NKAIN1: variants seen among roughly 807,000 people sequenced by gnomAD.
The protein encoded by NKAIN1 is sodium/potassium transporting ATPase interacting 1.
A neutral mutation model predicts 31.6 loss-of-function variants in NKAIN1; 13 were observed. The ratio of observed to expected loss-of-function variants is 0.41; its 90% CI spans 0.27 to 0.65. The LOEUF (loss-of-function observed/expected upper bound fraction) is 0.65, where lower values mean the gene tolerates loss of function less well. NKAIN1 is among the 30% of genes least tolerant of loss of function. The pLI, the probability that NKAIN1 is intolerant of heterozygous loss-of-function variation, is 0.30. For missense variants in NKAIN1, 193 were observed against 262.2 expected (o/e 0.74, Z 1.82); for synonymous variants, 104 against 109.0 (o/e 0.95, Z 0.28).
intron 1 of NKAIN1, among the ~76,000 whole-genome samples, chr1:31,230,055 C>T (rs1308185423): frequency 6.6e-6 from 1 of 152,086 alleles, no homozygotes; most frequent in Non-Finnish European, 1.5e-5. Flanking sequence ...AGACCACGGT[C>T]CAGCAATGCC....
chr1:31,200,025 G>GCACACACACACACACACGCACA (rs3046275), intron 1 of NKAIN1, among the ~76,000 whole-genome samples: 1 of 49,320 alleles, frequency 2.0e-5, no homozygotes, highest in African/African-American at 3.4e-5. Flanking sequence ...ACACACACAC[G>GCACACACACACACACACGCACA]CACACACACA....
At chr1:31,193,893 T>A (rs2148352060) in intron 1 of NKAIN1, 1 of 152,332 alleles carries the variant, frequency 6.6e-6, no homozygotes, top group East Asian at 1.9e-4. Context: ...TGTGTCTTTG[T>A]TACTTAGAAG....
At chr1:31,212,051 C>G (rs1276812596) in intron 1 of NKAIN1, among the ~76,000 whole-genome samples, 1 of 152,014 alleles carries the variant, frequency 6.6e-6, no homozygotes, top group Non-Finnish European at 1.5e-5. Context: ...GATTTCAAAA[C>G]TTACAATGAC....
intron 1 of NKAIN1, among the ~76,000 whole-genome samples, chr1:31,223,205 T>G (rs1217291009): frequency 6.6e-6 from 1 of 151,920 alleles, no homozygotes; most frequent in Non-Finnish European, 1.5e-5. Context: ...GGCAAAACCC[T>G]GTCTCTACTA....
At chr1:31,190,991 C>A (rs1435663377) in intron 1 of NKAIN1, among the ~76,000 whole-genome samples, 1 of 152,162 alleles carries the variant, frequency 6.6e-6, no homozygotes, top group Non-Finnish European at 1.5e-5. Context: ...AGGCACCCTG[C>A]CAAATATTTC....
At chr1:31,224,666 A>G (rs1472260288) in intron 1 of NKAIN1, among the ~76,000 whole-genome samples, 2 of 152,270 alleles carry the variant, frequency 1.3e-5, no homozygotes, top group African/African-American at 4.8e-5. Flanking sequence ...CTTGAGGATC[A>G]TGAAGCGTAA....
intron 1 of NKAIN1, among the ~76,000 whole-genome samples, chr1:31,197,447 C>T (rs930100744): frequency 9.2e-5 from 14 of 151,786 alleles, no homozygotes; most frequent in African/African-American, 3.4e-4. Context: ...GGGGTTTCAC[C>T]ATGTTGGTCA....
intron 1 of NKAIN1, among the ~76,000 whole-genome samples, chr1:31,188,944 C>T (rs1170358944): frequency 6.7e-6 from 1 of 150,284 alleles, no homozygotes; most frequent in Non-Finnish European, 1.5e-5. Flanking sequence ...GCCCAGCAGG[C>T]GGAGGTTGCA....
chr1:31,227,118 C>T (rs1056939916), intron 1 of NKAIN1, among the ~76,000 whole-genome samples: 1 of 152,212 alleles, frequency 6.6e-6, no homozygotes, highest in Non-Finnish European at 1.5e-5. Flanking sequence ...AACCACTGTG[C>T]CCAGCCAAAG....
intron 1 of NKAIN1, among the ~76,000 whole-genome samples, chr1:31,207,936 A>G (rs1340215909): frequency 2.0e-5 from 3 of 152,140 alleles, no homozygotes; most frequent in Non-Finnish European, 4.4e-5. Context: ...AGGAAGCGGT[A>G]GAGGCAGGAA....
chr1:31,188,255 C>A, intron 1 of NKAIN1, 68 bp from the exon 2 acceptor site: 14 of 1,517,068 alleles, frequency 9.2e-6, no homozygotes, highest in Non-Finnish European at 1.2e-5. Context: ...TCCTGCTTGA[C>A]CTTGGGGAGC....
chr1:31,212,857 C>T lies in NKAIN1; in HGVS notation c.55-24670G>A, dbSNP rs150584543. On this transcript the variant is annotated intron_variant, in intron 1 of 6. Coordinates refer to ENST00000373736, the MANE Select transcript of NKAIN1 (RefSeq NM_024522.3). Reference sequence around the variant, plus strand: ...CTAAAAATACAAAAAGTTAGCTGGGCGTGGTGGCAGGCGCCTGTAATCCCA... The same window carrying T: ...CTAAAAATACAAAAAGTTAGCTGGGTGTGGTGGCAGGCGCCTGTAATCCCA... Among the ~76,000 whole-genome samples the T allele has an allele frequency of 4.2e-3, 635 of 151,938 alleles. 43 individuals carry two copies. The East Asian group carries it at 0.1, about 25-fold the overall frequency.
intron 1 of NKAIN1, among the ~76,000 whole-genome samples, chr1:31,223,252 T>G (rs1049342051): frequency 2.4e-4 from 36 of 151,676 alleles, no homozygotes; most frequent in Non-Finnish European, 1.3e-4. Flanking sequence ...GGCAGGTGCT[T>G]GTAATCCCAA....
chr1:31,208,153 A>G (rs527515354), intron 1 of NKAIN1, among the ~76,000 whole-genome samples: 3 of 152,166 alleles, frequency 2.0e-5, no homozygotes, highest in South Asian at 4.1e-4. Flanking sequence ...CCACTCCATC[A>G]TTTACTAGCC....
rs1471089533 is a variant in NKAIN1 at position 31,239,766 on chromosome 1, G to A, written c.-219C>T. Among the ~76,000 whole-genome samples, 1 of 151,504 alleles carries A rather than the reference G, an allele frequency of 6.6e-6. No homozygotes were observed. Among genetic ancestry groups the A allele is most frequent in the African/African-American group, 2.4e-5 (1 of 41,340 alleles). The stretch of plus-strand genomic sequence containing the variant: ...CGTCCGTCCGCGCGCTGGCCCCGCC[G>A]AGCCGCGCCTCCTTTGTCTAGCGGG... On this transcript the variant is annotated 5_prime_UTR_variant, in exon 1 of 7. Transcript: ENST00000373736. The surrounding 1 kb of genome is among the most constrained non-coding windows in gnomAD (Gnocchi z 4.8).
intron 1 of NKAIN1, among the ~76,000 whole-genome samples, chr1:31,194,115 C>T (rs1363151077): frequency 6.6e-6 from 1 of 152,182 alleles, no homozygotes; most frequent in African/African-American, 2.4e-5. Context: ...TGATCTCCCG[C>T]CAGGGGAAGG....
intron 3 of NKAIN1, 59 bp downstream of exon 3, chr1:31,185,187 AG>A (rs1304012882): frequency 2.6e-5 from 35 of 1,370,528 alleles, no homozygotes; most frequent in Non-Finnish European, 3.5e-5. Context: ...CAGTACCCTT[AG>A]GGCAGGGGAT....
intron 1 of NKAIN1, among the ~76,000 whole-genome samples, chr1:31,204,262 G>A (rs1645406697): frequency 6.6e-6 from 1 of 152,146 alleles, no homozygotes; most frequent in South Asian, 2.1e-4. Context: ...TAGAGACATG[G>A]AAGCTGGGTG....
At chr1:31,195,415 C>T (rs1645317575) in intron 1 of NKAIN1, among the ~76,000 whole-genome samples, 1 of 152,098 alleles carries the variant, frequency 6.6e-6, no homozygotes, top group Admixed American at 6.6e-5. Context: ...AGCCACCGCG[C>T]CTGGCCTTTC....
Sources: allele counts gnomAD v4.1 joint callset (sites outside exome capture counted in the v4.1 genomes callset), GRCh38; gene constraint gnomAD v4.1.1; non-coding constraint Gnocchi (gnomAD v3.1); transcripts MANE v1.5; gene names NCBI Gene and HGNC (gene_info 2026-07-23, HGNC 2026-07-21).